The following CELSR1 variants were observed in gnomAD, a reference collection of about 807,000 sequenced individuals.
CELSR1 encodes adhesion G protein-coupled receptor C1.
In CELSR1, 110 loss-of-function variants were observed where a neutral mutation model predicts 249.1. That is an observed-to-expected ratio of 0.44 (90% confidence interval 0.38 to 0.52). CELSR1 has a LOEUF of 0.52. CELSR1 is among the 20% of genes least tolerant of loss of function. CELSR1 has a pLI of 0.00. For synonymous variants in CELSR1, 2,113 were observed against 1,900.0 expected (o/e 1.11, Z -2.92); for missense variants, 4,109 against 4,296.4 (o/e 0.96, Z 1.22).
Position 46,500,349 on chromosome 22 carries a change from C to T in CELSR1, c.3544+33278G>A, listed in dbSNP as rs895325733. Among the ~76,000 whole-genome samples the T allele has an allele frequency of 4.6e-5, 7 of 152,206 alleles. No homozygotes were observed. Among genetic ancestry groups the T allele is most frequent in the African/African-American group, 1.7e-4 (7 of 41,450 alleles). On this transcript the variant is annotated intron_variant, in intron 1 of 34. Transcript: ENST00000674500. This position sits in a 1 kb window ranked among gnomAD's most constrained non-coding sequence, Gnocchi z 4.9. Reference sequence around the variant, plus strand: ...GGAGATGACCTTTTATATGGAGCCGCTGACAGCCCCCTCCCCCATGGCGCA... The same window carrying T: ...GGAGATGACCTTTTATATGGAGCCGTTGACAGCCCCCTCCCCCATGGCGCA...
chr22:46,533,868 C>G lies in CELSR1; in HGVS notation c.3303G>C (p.Leu1101=), dbSNP rs772155995. The G allele has an allele frequency of 1.9e-6, 3 of 1,613,808 alleles. No homozygotes were observed. Among genetic ancestry groups the G allele is most frequent in the Non-Finnish European group, 2.5e-6 (3 of 1,180,032 alleles). ...TGTTGAAGAGGATCTGGAAGTCGGG[C>G]AGCACAGGCGGGTTGTCATTCTGGT... is the stretch of plus-strand genomic sequence containing the variant. The part of the protein sequence containing the change: ...LVDQNDNPPV[L]PDFQILFNNY... The change falls in exon 1 of 35, where the codon CTG becomes CTC. Residue 1101 remains leucine (L), a synonymous_variant. Transcript: ENST00000674500.
intron 17 of CELSR1, 138 bp from the exon 18 acceptor site, chr22:46,389,637 T>A (rs1186543325): frequency 2.1e-6 from 2 of 943,382 alleles, no homozygotes; most frequent in Admixed American, 4.6e-5. Context: ...AAAGCCTGGC[T>A]GGGCATGGTG....
At position 46,536,743 on chromosome 22, in the gene CELSR1, T is replaced by C; in HGVS notation, c.428A>G (p.Gln143Arg). ...FPVPGGCAAA[Q>R]HSALAAPTTL... ...GGTCGGAGCTGCGAGCGCCGAATGC[T>C]GCGCGGCCGCGCAGCCGCCGGGGAC... Residue 143 changes from glutamine (Q) to arginine (R), a missense_variant, in exon 1 of 35, where the codon CAG (glutamine) becomes CGG (arginine). By Grantham distance (43) the Gln-to-Arg change is conservative. Around this residue, in one of 7 missense-constraint regions of CELSR1, gnomAD observed 673 missense variants for 636.8 expected, o/e 1.06. Transcript: ENST00000674500. 3.7e-6 allele frequency: 4 copies of C among 1,088,930 alleles called. No individual in the cohort carries two copies. The highest frequency in any genetic ancestry group is 5.2e-5 in the East Asian group (1 of 19,254). 67.5% of individuals were successfully genotyped at this position (1,088,930 alleles called of 1,614,324 possible). A position where few individuals can be genotyped will look rare whatever the true frequency, so the allele number is the denominator to read the frequency against.
rs2080078865 is a variant in CELSR1, at chr22:46,464,790, C to T, written c.3545-445G>A. Among the ~76,000 whole-genome samples the T allele has an allele frequency of 6.6e-6, 1 of 152,166 alleles. No individual in the cohort carries two copies. Among genetic ancestry groups the T allele is most frequent in the Admixed American group, 6.5e-5 (1 of 15,272 alleles). ...CACCTGCCCTGGCCTCCAGGGATCC[C>T]ACCCTGCCCAACCTCCCAACAGTTC... On this transcript the variant is annotated intron_variant, in intron 1 of 34. Transcript: ENST00000674500. This position sits in a 1 kb window ranked among gnomAD's most constrained non-coding sequence, Gnocchi z 8.5.
intron 5 of CELSR1, among the ~76,000 whole-genome samples, chr22:46,416,827 G>C (rs1266792606): frequency 3.9e-5 from 6 of 152,120 alleles, no homozygotes; most frequent in Non-Finnish European, 7.4e-5. Context: ...ACGCAGTGCT[G>C]GGAGTTTCTG....
At chr22:46,521,503 T>A (rs899760682) in intron 1 of CELSR1, among the ~76,000 whole-genome samples, 1 of 141,832 alleles carries the variant, frequency 7.1e-6, no homozygotes, top group South Asian at 2.2e-4. Flanking sequence ...AGACTCCATC[T>A]CAAAAAAAAA....
intron 9 of CELSR1, among the ~76,000 whole-genome samples, chr22:46,405,119 C>T (rs547587363): frequency 1.0e-3 from 158 of 151,968 alleles, no homozygotes; most frequent in African/African-American, 3.6e-3. Context: ...GCCACTGCAC[C>T]CAGCCTCCAT....
rs112616653 is a variant in CELSR1, at chr22:46,524,473, G to A, written c.3544+9154C>T. ...CTGGAAGGGGCGAAGTCGGTGTGTC[G>A]GGCGGCTGGAAGGAAAGGTGTTACC... On this transcript the variant is annotated intron_variant, in intron 1 of 34. Coordinates refer to ENST00000674500, the MANE Select transcript of CELSR1 (RefSeq NM_001378328.1). 4.3e-3 allele frequency among the ~76,000 whole-genome samples: 651 copies of A among 152,202 alleles called. 4 individuals carry two copies. Among genetic ancestry groups the A allele is most frequent in the African/African-American group, 0.014 (564 of 41,522 alleles).
In CELSR1 at chr22:46,439,376, A is replaced by T; in HGVS notation, c.4219T>A (p.Cys1407Ser). 6.2e-7 allele frequency: 1 copy of T among 1,613,618 alleles called. No individual in the cohort carries two copies. Among genetic ancestry groups the T allele is most frequent in the Non-Finnish European group, 8.5e-7 (1 of 1,179,952 alleles). Residue 1407 changes from cysteine (C) to serine (S), a missense_variant, in exon 3 of 35, where the codon TGT becomes AGT. By Grantham distance (112) the Cys-to-Ser change is moderately radical (BLOSUM62 -1). This residue lies in a region of CELSR1 where 453 missense variants were observed against 492.0 expected (regional missense o/e 0.92). Transcript: ENST00000674500. ...CCGTTCTTGCACACCCCGTTGGCAC[A>T]GCGGCCTGAGCGGGCATCCACCTCA... ...HCEVDARSGR[C>S]ANGVCKNGGT...
At chr22:46,477,333 C>A (rs78769403) in intron 1 of CELSR1, among the ~76,000 whole-genome samples, 3,280 of 152,266 alleles carry the variant, frequency 0.022, 138 homozygotes, top group African/African-American at 0.076. Flanking sequence ...TTATCAGGAA[C>A]CTTCTGTTGT....
In CELSR1 at chr22:46,409,885, C is replaced by A; in HGVS notation, c.4934-5G>T. On this transcript the variant is annotated splice_region_variant and splice_polypyrimidine_tract_variant and intron_variant, in intron 7 of 34. Coordinates refer to ENST00000674500, the MANE Select transcript of CELSR1 (RefSeq NM_001378328.1). This position sits in a 1 kb window ranked among gnomAD's most constrained non-coding sequence, Gnocchi z 9.8. The stretch of plus-strand genomic sequence containing the variant: ...AGTTCCTCCGAGCAGCGCAGCCTGG[C>A]AACACAGAGCGTGCGGCAGAGCCTG... The A allele has an allele frequency of 6.2e-7, 1 of 1,611,856 alleles. No homozygotes were observed.
chr22:46,404,798 T>C (rs2079247746), intron 9 of CELSR1, among the ~76,000 whole-genome samples: 1 of 152,068 alleles, frequency 6.6e-6, no homozygotes, highest in Admixed American at 6.6e-5. Context: ...CTGATAGTTA[T>C]TTTAAGAAGA....
At chr22:46,516,855 G>A (rs970938777) in intron 1 of CELSR1, among the ~76,000 whole-genome samples, 12 of 152,206 alleles carry the variant, frequency 7.9e-5, no homozygotes, top group Non-Finnish European at 1.3e-4. Context: ...GAAGGCAGGC[G>A]GCCGAGGGCT....
At position 46,433,096 on chromosome 22, in the gene CELSR1, G is replaced by A. The variant is rs190569063; in HGVS notation, c.4611+297C>T. ...GGCTGGAATACAGTGGCACGATCTC[G>A]GCTCACTGTAACTTCTGCCTCCCAG... On this transcript the variant is annotated intron_variant, in intron 5 of 34. Coordinates refer to ENST00000674500, the MANE Select transcript of CELSR1 (RefSeq NM_001378328.1). The surrounding 1 kb of genome is among the most constrained non-coding windows in gnomAD (Gnocchi z 5.7). 1.4e-3 allele frequency among the ~76,000 whole-genome samples: 212 copies of A among 151,782 alleles called. 2 individuals carry two copies. Among genetic ancestry groups the A allele is most frequent in the Non-Finnish European group, 4.1e-4 (28 of 67,926 alleles).
intron 5 of CELSR1, among the ~76,000 whole-genome samples, chr22:46,419,727 CACTCACCCACACTCGTGCAT>C (rs1180887714): frequency 6.6e-6 from 1 of 152,160 alleles, no homozygotes; most frequent in East Asian, 1.9e-4. Flanking sequence ...CACGTGTGTA[CACTCACCCACACTCGTGCAT>C]ACTCAAACCC....
chr22:46,532,193 T>G (rs1308904886), intron 1 of CELSR1, among the ~76,000 whole-genome samples: 1 of 152,210 alleles, frequency 6.6e-6, no homozygotes, highest in African/African-American at 2.4e-5. Context: ...TAAACCCTAT[T>G]ATTGGGCCAA....
chr22:46,438,323 T>C (rs1168162823), intron 3 of CELSR1, among the ~76,000 whole-genome samples: 2 of 152,098 alleles, frequency 1.3e-5, no homozygotes, highest in Non-Finnish European at 2.9e-5. Context: ...GAAGGGGCTA[T>C]GAAAGCACCC....
In CELSR1 at chr22:46,428,094, T is replaced by C. The variant is rs183123096; in HGVS notation, c.4611+5299A>G. Among the ~76,000 whole-genome samples, 10 of 152,260 alleles carry C rather than the reference T, an allele frequency of 6.6e-5. No individual in the cohort carries two copies. The South Asian group carries it at 2.1e-3, about 32-fold the overall frequency. ...GGACCTAGCGGTCATCTCAAGGTCA[T>C]GGAAATCTCAAAGCACTTACATCCT... is the stretch of plus-strand genomic sequence containing the variant. On this transcript the variant is annotated intron_variant, in intron 5 of 34. Coordinates refer to ENST00000674500, the MANE Select transcript of CELSR1 (RefSeq NM_001378328.1). The surrounding 1 kb of genome is among the most constrained non-coding windows in gnomAD (Gnocchi z 5.7).
At chr22:46,470,001 A>AGGAGGAGGGGAGG (rs1268852616) in intron 1 of CELSR1, among the ~76,000 whole-genome samples, 4 of 11,996 alleles carry the variant, frequency 3.3e-4, no homozygotes, top group Non-Finnish European at 5.0e-4. Context: ...GGAGGGAGGG[A>AGGAGGAGGGGAGG]GAGGCAAAGG....
Sources: allele counts gnomAD v4.1 joint callset (sites outside exome capture counted in the v4.1 genomes callset), GRCh38; gene constraint gnomAD v4.1.1; regional missense constraint gnomAD v4.1.1; non-coding constraint Gnocchi (gnomAD v3.1); transcripts MANE v1.5; gene names NCBI Gene and HGNC (gene_info 2026-07-23, HGNC 2026-07-21).